The following ECT2L variants were observed in gnomAD, a reference collection of about 807,000 sequenced individuals.
The protein encoded by ECT2L is epithelial cell-transforming sequence 2 oncogene-like.
Under a neutral mutation model 122.8 loss-of-function variants are expected in ECT2L, and 126 were observed. The observed-to-expected ratio is 1.03, with a 90% confidence interval of 0.89 to 1.19. The LOEUF (loss-of-function observed/expected upper bound fraction) is 1.19, where lower values mean the gene tolerates loss of function less well. Ranked by LOEUF, ECT2L falls within the 50% of genes most tolerant of loss-of-function variation. The pLI is 0.00. For synonymous variants in ECT2L, 385 were observed against 381.8 expected (o/e 1.01, Z -0.10); for missense variants, 1,012 against 1,064.1 (o/e 0.95, Z 0.68).
At position 138,851,482 on chromosome 6, in the gene ECT2L, CTTTT is replaced by C. The variant is rs56921189; in HGVS notation, c.1069+2068_1069+2071del. Among the ~76,000 whole-genome samples, 1,005 of 109,600 alleles carry C rather than the reference CTTTT, an allele frequency of 9.2e-3. 16 individuals carry two copies. The highest frequency in any genetic ancestry group is 0.034 in the African/African-American group (950 of 27,628). The allele number at this position is 109,600 out of a possible 152,430, so 71.9% of individuals were successfully genotyped here. A position where few individuals can be genotyped will look rare whatever the true frequency, so the allele number is the denominator to read the frequency against. On this transcript the variant is annotated intron_variant, in intron 9 of 21. Coordinates refer to ENST00000541398, the MANE Select transcript of ECT2L (RefSeq NM_001077706.3). Reference sequence around the variant, plus strand: ...ACAGGTGTGGGCCACTGTGCCTAGCCTTTTTTTTTTTTTTTTTTTTTTTAAATAG... The same window carrying C: ...ACAGGTGTGGGCCACTGTGCCTAGCCTTTTTTTTTTTTTTTTTTTAAATAG...
chr6:138,894,166 C>G (rs1779133644), intron 20 of ECT2L, among the ~76,000 whole-genome samples: 1 of 152,172 alleles, frequency 6.6e-6, no homozygotes, highest in African/African-American at 2.4e-5. Context: ...AAGCGATTCT[C>G]CTGCCTCAGC....
intron 12 of ECT2L, among the ~76,000 whole-genome samples, chr6:138,866,598 G>T (rs1403554660): frequency 1.3e-5 from 2 of 152,080 alleles, no homozygotes; most frequent in Non-Finnish European, 2.9e-5. Flanking sequence ...TGTTGGCCAG[G>T]TTGGTCTCGA....
rs1777352537 is a variant in ECT2L, at chr6:138,849,427, A to C, written c.1062A>C (p.Leu354Phe). ...FSDGDSREINLLQGYKIGVKN... is the reference protein window; with the variant it reads ...FSDGDSREINFLQGYKIGVKN... ...ATGGAGACAGCAGAGAAATCAATTT[A>C]CTCCAAGGTAGGCCTGGGGATTGGC... Residue 354 changes from leucine to phenylalanine, a missense_variant, in exon 9 of 22, where the codon TTA (leucine) becomes TTC (phenylalanine). By Grantham distance (22) the Leu-to-Phe change is conservative. Coordinates refer to ENST00000541398, the MANE Select transcript of ECT2L (RefSeq NM_001077706.3). 6.2e-7 allele frequency: 1 copy of C among 1,612,664 alleles called. No homozygotes were observed. The highest frequency in any genetic ancestry group is 8.5e-7 in the Non-Finnish European group (1 of 1,179,468).
chr6:138,838,559 G>A (rs377144964), intron 5 of ECT2L, 45 bp downstream of exon 5: 8 of 1,563,292 alleles, frequency 5.1e-6, no homozygotes, highest in Non-Finnish European at 6.9e-6. Flanking sequence ...AAGTACAGCT[G>A]TAATCTGTAA....
At position 138,844,395 on chromosome 6, in the gene ECT2L, T is replaced by G. The variant is rs1394596307; in HGVS notation, c.596-17T>G. ...GTATGAAGTAATCAGCCCCGCCTGCTGTTCTTTGTTTTTCAGAGGAGTTAT... is the reference window on the plus strand; with the variant it reads ...GTATGAAGTAATCAGCCCCGCCTGCGGTTCTTTGTTTTTCAGAGGAGTTAT... On this transcript the variant is annotated splice_polypyrimidine_tract_variant and intron_variant, in intron 6 of 21. Coordinates refer to ENST00000541398, the MANE Select transcript of ECT2L (RefSeq NM_001077706.3). 9 of 1,611,214 alleles carry G rather than the reference T, an allele frequency of 5.6e-6. No homozygotes were observed. Among genetic ancestry groups the G allele is most frequent in the Non-Finnish European group, 7.6e-6 (9 of 1,177,796 alleles).
chr6:138,893,484 G>A (rs913011222), intron 20 of ECT2L, among the ~76,000 whole-genome samples: 1 of 151,696 alleles, frequency 6.6e-6, no homozygotes, highest in Non-Finnish European at 1.5e-5. Context: ...GCAGTGGCCT[G>A]AGCTCGGCTC....
At position 138,798,855 on chromosome 6, in the gene ECT2L, C is replaced by T. The variant is rs538660571; in HGVS notation, c.-244+2663C>T. 7.2e-5 allele frequency among the ~76,000 whole-genome samples: 11 copies of T among 152,268 alleles called. No homozygotes were observed. In the South Asian group the frequency reaches 2.1e-3, roughly 29 times the overall value. On this transcript the variant is annotated intron_variant, in intron 1 of 21. Coordinates refer to ENST00000541398, the MANE Select transcript of ECT2L (RefSeq NM_001077706.3). ...CTTAGGAGTATGTGCCTGTAATAAT[C>T]GCTGAGTCTTGGCCAATCCCAGGAG...
chr6:138,887,604 A>G (rs1179370407), intron 19 of ECT2L, among the ~76,000 whole-genome samples: 5 of 152,156 alleles, frequency 3.3e-5, no homozygotes, highest in African/African-American at 1.2e-4. Flanking sequence ...AACAAGCTTT[A>G]GAAGGCCTGT....
intron 10 of ECT2L, among the ~76,000 whole-genome samples, chr6:138,855,981 A>G (rs917527985): frequency 6.6e-6 from 1 of 152,220 alleles, no homozygotes; most frequent in Non-Finnish European, 1.5e-5. Context: ...CTCAAAAAAT[A>G]GGCTTTCTAT....
intron 9 of ECT2L, among the ~76,000 whole-genome samples, chr6:138,850,994 C>CAAAGAAA (rs1777424163): frequency 1.7e-5 from 1 of 57,770 alleles, no homozygotes; most frequent in Admixed American, 2.8e-4. Context: ...AACTCCATCT[C>CAAAGAAA]AAAAAAAAAA....
intron 13 of ECT2L, among the ~76,000 whole-genome samples, chr6:138,874,776 T>C (rs1778382798): frequency 6.6e-6 from 1 of 152,150 alleles, no homozygotes; most frequent in Admixed American, 6.5e-5. Context: ...TTTGAGACAG[T>C]CTCACTCCAT....
intron 20 of ECT2L, among the ~76,000 whole-genome samples, chr6:138,897,126 G>C (rs1383773487): frequency 6.6e-6 from 1 of 152,072 alleles, no homozygotes; most frequent in Non-Finnish European, 1.5e-5. Flanking sequence ...GAATCTATCT[G>C]TAAATAAGCA....
At chr6:138,872,470 T>TG (rs1297515349) in intron 13 of ECT2L, among the ~76,000 whole-genome samples, 1 of 152,094 alleles carries the variant, frequency 6.6e-6, no homozygotes, top group Non-Finnish European at 1.5e-5. Flanking sequence ...AACCCCAGGG[T>TG]GGGAACGCCA....
Position 138,862,625 on chromosome 6 carries a change from A to G in ECT2L, c.1199-2A>G. On this transcript the variant is annotated splice_acceptor_variant, in intron 10 of 21. Transcript: ENST00000541398. LOFTEE classifies it high-confidence loss of function. ...CTAACGAAAGTGTTTTTGACTATGC[A>G]GAGGCAGGAATTGAAGTTCTTTCCC... The G allele has an allele frequency of 1.9e-6, 3 of 1,614,014 alleles. No individual in the cohort carries two copies. Among genetic ancestry groups the G allele is most frequent in the Non-Finnish European group, 2.5e-6 (3 of 1,179,862 alleles).
At chr6:138,836,187 A>G (rs1320729084) in intron 4 of ECT2L, among the ~76,000 whole-genome samples, 1 of 152,104 alleles carries the variant, frequency 6.6e-6, no homozygotes, top group Non-Finnish European at 1.5e-5. Context: ...TTAATAAGCA[A>G]TTTAAAAGTA....
At chr6:138,885,935 G>C (rs773438101) in intron 18 of ECT2L, 105 bp downstream of exon 18, 29 of 1,168,322 alleles carry the variant, frequency 2.5e-5, no homozygotes, top group Non-Finnish European at 3.4e-5. Flanking sequence ...GGGGTTCTTC[G>C]CTTTAAAGTC....
chr6:138,869,403 C>T (rs1778163917), intron 13 of ECT2L, among the ~76,000 whole-genome samples: 1 of 152,154 alleles, frequency 6.6e-6, no homozygotes, highest in Non-Finnish European at 1.5e-5. Flanking sequence ...AGTATCTGCT[C>T]CTGTTTCAGT....
chr6:138,901,153 C>A (rs1222480336), intron 21 of ECT2L, 33 bp downstream of exon 21: 3 of 1,599,158 alleles, frequency 1.9e-6, no homozygotes, highest in Non-Finnish European at 2.6e-6. Flanking sequence ...GAGACAGATA[C>A]CTTCAAAAAG....
chr6:138,873,053 G>A (rs75251314), intron 13 of ECT2L, among the ~76,000 whole-genome samples: 2,387 of 152,040 alleles, frequency 0.016, 56 homozygotes, highest in African/African-American at 0.055. Context: ...AATTCAAAAT[G>A]AATGAAGTCT....
Sources: gnomAD v4.1 joint callset for allele counts (sites outside exome capture counted in the v4.1 genomes callset) on GRCh38, gnomAD v4.1.1 for gene constraint, MANE v1.5 for transcripts, NCBI Gene and HGNC (gene_info 2026-07-23, HGNC 2026-07-21) for gene names.